Variants in CRB1 observed in about 807,000 individuals in gnomAD.
The protein encoded by CRB1 is crumbs cell polarity complex component 1.
CRB1 carries 83 observed loss-of-function variants against 120.0 expected under a neutral mutation model. The ratio of observed to expected loss-of-function variants is 0.69; its 90% CI spans 0.58 to 0.83. The LOEUF (loss-of-function observed/expected upper bound fraction) is 0.83. CRB1 is among the 40% of genes least tolerant of loss of function. CRB1 has a pLI of 0.00. For missense variants in CRB1, 1,699 were observed against 1,687.6 expected (o/e 1.01, Z -0.12); for synonymous variants, 625 against 612.5 (o/e 1.02, Z -0.30).
At chr1:197,470,333 T>A (rs2125561957) in intron 11 of CRB1, among the ~76,000 whole-genome samples, 1 of 152,242 alleles carries the variant, frequency 6.6e-6, no homozygotes, top group African/African-American at 2.4e-5. Flanking sequence ...AAGAGGATGG[T>A]CAGGGAAGGT....
chr1:197,415,083 T>C (rs2125456915), intron 5 of CRB1, among the ~76,000 whole-genome samples: 1 of 152,292 alleles, frequency 6.6e-6, no homozygotes, highest in East Asian at 1.9e-4. Context: ...TTATTGACAT[T>C]TTATGAAAGA....
intron 11 of CRB1, chr1:197,443,214 A>T (rs1358426474): frequency 4.6e-5 from 7 of 152,050 alleles, no homozygotes; most frequent in Non-Finnish European, 1.5e-5. Flanking sequence ...ATGAATTGTT[A>T]CGTTTTCTCT....
intron 1 of CRB1, among the ~76,000 whole-genome samples, chr1:197,327,119 A>AC (rs1558055674): frequency 2.8e-4 from 38 of 137,742 alleles, no homozygotes; most frequent in African/African-American, 6.5e-4. Context: ...AAAAAAAAAA[A>AC]AAAAAAAAAA....
the CRB1 span, among the ~76,000 whole-genome samples, chr1:197,221,777 T>G: frequency 6.6e-6 from 1 of 152,198 alleles, no homozygotes; most frequent in Non-Finnish European, 1.5e-5. Context: ...GTGGAATGAC[T>G]TTGTATATCT....
At chr1:197,374,836 C>A (rs1384749633) in intron 5 of CRB1, among the ~76,000 whole-genome samples, 2 of 152,224 alleles carry the variant, frequency 1.3e-5, no homozygotes, top group East Asian at 3.9e-4. Flanking sequence ...AGATACGTTG[C>A]CTTCTGGCTG....
At chr1:197,371,132 C>T (rs967888825) in intron 5 of CRB1, among the ~76,000 whole-genome samples, 2 of 152,132 alleles carry the variant, frequency 1.3e-5, no homozygotes, top group African/African-American at 2.4e-5. Context: ...GCCTCACTTA[C>T]CTTCTGTCTC....
chr1:197,374,421 GCC>G (rs1383451431), intron 5 of CRB1, among the ~76,000 whole-genome samples: 5 of 152,190 alleles, frequency 3.3e-5, no homozygotes, highest in Admixed American at 2.0e-4. Context: ...GAGTGTCAGG[GCC>G]CAGAGGACCC....
chr1:197,254,710 G>T, the CRB1 span, among the ~76,000 whole-genome samples: 4 of 152,156 alleles, frequency 2.6e-5, no homozygotes, highest in South Asian at 8.3e-4. Flanking sequence ...AATAATTTCT[G>T]AAGGCAATTA....
In CRB1 at chr1:197,298,534, A is replaced by C. The variant is rs192586197; in HGVS notation, c.71-29888A>C. ...TTCAGTGTTTTGGACAAAATGAACA[A>C]GTTGATTCTAAAATTGAGGAGAATA... On this transcript the variant is annotated intron_variant, in intron 1 of 11. Coordinates refer to ENST00000367400, the MANE Select transcript of CRB1 (RefSeq NM_201253.3). 2.2e-4 allele frequency among the ~76,000 whole-genome samples: 34 copies of C among 152,262 alleles called. 1 individual carries two copies. In the East Asian group the frequency reaches 6.4e-3, roughly 29 times the overall value.
the CRB1 span, among the ~76,000 whole-genome samples, chr1:197,220,165 T>A: frequency 2.6e-5 from 4 of 151,644 alleles, no homozygotes; most frequent in Admixed American, 1.3e-4. Flanking sequence ...AGAAAAAAAA[T>A]TAACTAAAAT....
the CRB1 span, among the ~76,000 whole-genome samples, chr1:197,257,448 A>G: frequency 6.6e-6 from 1 of 152,094 alleles, no homozygotes; most frequent in Non-Finnish European, 1.5e-5. Flanking sequence ...ATTAACCATC[A>G]CAAGTCTCTC....
intron 6 of CRB1, 58 bp downstream of exon 6, chr1:197,422,014 C>A: frequency 6.7e-7 from 1 of 1,493,758 alleles, no homozygotes; most frequent in Non-Finnish European, 9.3e-7. Flanking sequence ...AGAGCAGAAA[C>A]AGCAAAAACA....
intron 6 of CRB1, 74 bp downstream of exon 6, chr1:197,422,030 AC>A: frequency 7.3e-7 from 1 of 1,374,102 alleles, no homozygotes; most frequent in Non-Finnish European, 1.0e-6. Context: ...AAACAGCCAG[AC>A]TGCTTCTGCC....
rs1257123573 is a variant in CRB1, at chr1:197,380,857, C to T, written c.1171+23844C>T. 3.9e-5 allele frequency among the ~76,000 whole-genome samples: 6 copies of T among 152,182 alleles called. No homozygotes were observed. In the East Asian group the frequency reaches 1.2e-3, roughly 29 times the overall value. ...TGCCAAATTACACAAAGCAGCCCTG[C>T]AGGACTGACAAGGCCCAGGAGCCAG... On this transcript the variant is annotated intron_variant, in intron 5 of 11. Coordinates refer to ENST00000367400, the MANE Select transcript of CRB1 (RefSeq NM_201253.3).
rs187131842 is a variant in CRB1, at chr1:197,280,634, G to C, written c.70+12152G>C. Among the ~76,000 whole-genome samples, 6 of 151,908 alleles carry C rather than the reference G, an allele frequency of 3.9e-5. No individual in the cohort carries two copies. The East Asian group carries it at 7.8e-4, about 20-fold the overall frequency. On this transcript the variant is annotated intron_variant, in intron 1 of 11. Transcript: ENST00000367400. ...TTAAAACTCTAATAGGCAGTAATGC[G>C]TACTGGAATTGCCTAGGTTACAGAT...
chr1:197,414,470 T>C (rs904754579), intron 5 of CRB1, among the ~76,000 whole-genome samples: 4 of 152,116 alleles, frequency 2.6e-5, no homozygotes, highest in Non-Finnish European at 5.9e-5. Context: ...TACCAAGTGG[T>C]AGAAATTTTT....
chr1:197,320,876 A>C (rs919984463), intron 1 of CRB1, among the ~76,000 whole-genome samples: 3 of 152,304 alleles, frequency 2.0e-5, no homozygotes, highest in South Asian at 2.1e-4. Context: ...ATGATGTCTC[A>C]TGCATTTTCT....
At chr1:197,271,532 A>T (rs1028478009) in intron 1 of CRB1, among the ~76,000 whole-genome samples, 3 of 152,054 alleles carry the variant, frequency 2.0e-5, no homozygotes, top group Non-Finnish European at 4.4e-5. Flanking sequence ...ATTTGTCCTG[A>T]TTGTTTTTAT....
chr1:197,342,211 A>G (rs926528002), intron 2 of CRB1, among the ~76,000 whole-genome samples: 6 of 152,192 alleles, frequency 3.9e-5, no homozygotes, highest in African/African-American at 1.4e-4. Context: ...AACCTGCTTT[A>G]CAACAGAAAT....
Sources: gnomAD v4.1 joint callset for allele counts (sites outside exome capture counted in the v4.1 genomes callset) on GRCh38, gnomAD v4.1.1 for gene constraint, MANE v1.5 for transcripts, NCBI Gene and HGNC (gene_info 2026-07-23, HGNC 2026-07-21) for gene names.